ITGA5: variants seen among roughly 807,000 people sequenced by gnomAD.
ITGA5 encodes integrin subunit alpha 5.
A neutral mutation model predicts 146.3 loss-of-function variants in ITGA5; 55 were observed. That is an observed-to-expected ratio of 0.38 (90% CI 0.30 to 0.47). ITGA5 has a LOEUF of 0.47. ITGA5 is among the 20% of genes least tolerant of loss of function. The pLI is 0.99. For synonymous variants in ITGA5, 500 were observed against 531.8 expected (o/e 0.94, Z 0.82); for missense variants, 1,131 against 1,329.0 (o/e 0.85, Z 2.32).
At chr12:54,396,592 C>T (rs1202352315) in intron 29 of ITGA5, among the ~76,000 whole-genome samples, 1 of 152,176 alleles carries the variant, frequency 6.6e-6, no homozygotes, top group Non-Finnish European at 1.5e-5. Context: ...GTATCTTTTA[C>T]CAGTGCCTTT....
chr12:54,398,452 C>G, intron 28 of ITGA5, 145 bp downstream of exon 28: 1 of 596,726 alleles, frequency 1.7e-6, no homozygotes. Context: ...ACCACTCTGT[C>G]TCTGGCATCT....
intron 13 of ITGA5, 57 bp from the exon 14 acceptor site, chr12:54,404,532 T>TC (rs1404593155): frequency 1.3e-6 from 2 of 1,592,606 alleles, no homozygotes; most frequent in African/African-American, 2.7e-5. Context: ...GATCCTTTCT[T>TC]CCTAACCCCT....
At chr12:54,404,322 G>T (rs189888150) in intron 14 of ITGA5, 76 bp from the exon 15 acceptor site, 1 of 1,559,062 alleles carries the variant, frequency 6.4e-7, no homozygotes, top group Non-Finnish European at 8.8e-7. Flanking sequence ...ATGCCCAAGC[G>T]CCAGAATGTG....
At chr12:54,417,593 C>A (rs369775256) in intron 1 of ITGA5, among the ~76,000 whole-genome samples, 7 of 152,262 alleles carry the variant, frequency 4.6e-5, no homozygotes. Context: ...ATTTGCCTTT[C>A]TCCCCAGTTG....
rs1020177548 is a variant in ITGA5, at chr12:54,396,048, G to T, written c.*245C>A. ...AGGGAGGCTGGGGCCTCTGTCCCTG[G>T]ATCTGAGTTCCCCCATCCATGAAGA... On this transcript the variant is annotated 3_prime_UTR_variant, in exon 30 of 30. Coordinates refer to ENST00000293379, the MANE Select transcript of ITGA5 (RefSeq NM_002205.5). 7 of 435,500 alleles carry T rather than the reference G, an allele frequency of 1.6e-5. No homozygotes were observed. Among genetic ancestry groups the T allele is most frequent in the Admixed American group, 3.9e-5 (1 of 25,660 alleles). 27.0% of individuals were successfully genotyped at this position (435,500 alleles called of 1,614,324 possible).
At position 54,399,628 on chromosome 12, in the gene ITGA5, A is replaced by C. The variant is rs758815022; in HGVS notation, c.2841+17T>G. The C allele has an allele frequency of 5.0e-6, 8 of 1,586,454 alleles. No homozygotes were observed. Among genetic ancestry groups the C allele is most frequent in the Non-Finnish European group, 6.9e-6 (8 of 1,154,706 alleles). ...GCCCAAAGGTCAGGGGTCAGGGCTG[A>C]GGTAAGGCTCCCTCACCTGCAAGAA... is the stretch of plus-strand genomic sequence containing the variant. On this transcript the variant is annotated intron_variant, in intron 27 of 29. Coordinates refer to ENST00000293379, the MANE Select transcript of ITGA5 (RefSeq NM_002205.5).
Position 54,405,365 on chromosome 12 carries a change from G to GTCA in ITGA5, c.1023_1025dup (p.Asp342dup). The GTCA allele has an allele frequency of 6.2e-7, 1 of 1,606,084 alleles. No individual in the cohort carries two copies. Among genetic ancestry groups the GTCA allele is most frequent in the East Asian group, 2.2e-5 (1 of 44,730 alleles). On this transcript the variant is annotated inframe_insertion, in exon 12 of 30. Transcript: ENST00000293379. ...TGAGCAGGGGTGCCCCCACCAGCAAGTCATCCAGCCTGAGGGGAAGGGCAA... is the reference window on the plus strand; with the variant it reads ...TGAGCAGGGGTGCCCCCACCAGCAAGTCATCATCCAGCCTGAGGGGAAGGGCAA...
In ITGA5 at chr12:54,401,710, A is replaced by G; in HGVS notation, c.2307-45T>C. On this transcript the variant is annotated intron_variant, in intron 22 of 29. Coordinates refer to ENST00000293379, the MANE Select transcript of ITGA5 (RefSeq NM_002205.5). This position sits in a 1 kb window ranked among gnomAD's most constrained non-coding sequence, Gnocchi z 5.0. ...CTGAGGTGCTGGAGTGCAGCCAGTG[A>G]GAATGGCGCCCAGCCCTCCCTTCCG... The G allele has an allele frequency of 6.2e-7, 1 of 1,611,738 alleles. No individual in the cohort carries two copies. Among genetic ancestry groups the G allele is most frequent in the Non-Finnish European group, 8.5e-7 (1 of 1,177,924 alleles).
At chr12:54,412,712 C>T (rs1955962480) in intron 1 of ITGA5, among the ~76,000 whole-genome samples, 1 of 152,212 alleles carries the variant, frequency 6.6e-6, no homozygotes, top group Non-Finnish European at 1.5e-5. Context: ...TCTGTTCCCC[C>T]TGATATGAGG....
rs375130333 is a variant in ITGA5 at position 54,411,895 on chromosome 12, G to C, written c.288C>G (p.Val96=). Residue 96 remains valine (V), a synonymous_variant, in exon 2 of 30, where the codon GTC becomes GTG. Coordinates refer to ENST00000293379, the MANE Select transcript of ITGA5 (RefSeq NM_002205.5). The part of the protein sequence containing the change: ...SQPGVLQGGA[V]YLCPWGASPT... Reference sequence around the variant, plus strand: ...GGCTGGCACCCCAAGGACAGAGGTAGACAGCACCACCCTGCAGCACTCCTG... The same window carrying C: ...GGCTGGCACCCCAAGGACAGAGGTACACAGCACCACCCTGCAGCACTCCTG... 1.9e-6 allele frequency: 3 copies of C among 1,604,868 alleles called. No individual in the cohort carries two copies. The highest frequency in any genetic ancestry group is 1.7e-6 in the Non-Finnish European group (2 of 1,175,494).
intron 2 of ITGA5, among the ~76,000 whole-genome samples, 156 bp downstream of exon 2, chr12:54,411,678 G>A (rs1955944736): frequency 6.6e-6 from 1 of 152,174 alleles, no homozygotes; most frequent in East Asian, 1.9e-4. Flanking sequence ...GTGCCATGGG[G>A]ATCCACTGTA....
Position 54,409,829 on chromosome 12 carries a change from C to T in ITGA5, c.350-232G>A. On this transcript the variant is annotated intron_variant, in intron 2 of 29. Coordinates refer to ENST00000293379, the MANE Select transcript of ITGA5 (RefSeq NM_002205.5). The surrounding 1 kb of genome is among the most constrained non-coding windows in gnomAD (Gnocchi z 4.7). The stretch of plus-strand genomic sequence containing the variant: ...ACACATACACACACACACATACATA[C>T]ACACGCACGCACACGCACACAGAAC... The T allele has an allele frequency of 4.7e-6, 2 of 429,132 alleles. No homozygotes were observed. Among genetic ancestry groups the T allele is most frequent in the Admixed American group, 4.0e-5 (1 of 24,802 alleles). 26.6% of individuals were successfully genotyped at this position (429,132 alleles called of 1,614,324 possible). A position where few individuals can be genotyped will look rare whatever the true frequency, so the allele number is the denominator to read the frequency against.
rs549499997 is a variant in ITGA5, at chr12:54,417,279, G to T, written c.218+1702C>A. Among the ~76,000 whole-genome samples, 9 of 151,978 alleles carry T rather than the reference G, an allele frequency of 5.9e-5. No individual in the cohort carries two copies. The East Asian group carries it at 1.4e-3, about 23-fold the overall frequency. On this transcript the variant is annotated intron_variant, in intron 1 of 29. Transcript: ENST00000293379. ...TGTTTTAAAGGGAAATTTAGGGGAG[G>T]GGGGAGTAAAGAGAAGGTTAAATGC...
rs766411094 is a variant in ITGA5, at chr12:54,403,226, T to C, written c.1875A>G (p.Pro625=). Residue 625 remains proline, a synonymous_variant, in exon 18 of 30, where the codon CCA becomes CCG. Coordinates refer to ENST00000293379, the MANE Select transcript of ITGA5 (RefSeq NM_002205.5). This position sits in a 1 kb window ranked among gnomAD's most constrained non-coding sequence, Gnocchi z 4.9. ...QAPVDSHGLR[P]ALHYQSKSRI... is the part of the protein sequence containing the mutation. Reference sequence around the variant, plus strand: ...GGCTCTTGCTCTGATAATGTAGGGCTGGCCTGAGGCCGTGGCTGTCCACTG... The same window carrying C: ...GGCTCTTGCTCTGATAATGTAGGGCCGGCCTGAGGCCGTGGCTGTCCACTG... 6 of 1,568,626 alleles carry C rather than the reference T, an allele frequency of 3.8e-6. No individual in the cohort carries two copies. The East Asian group carries it at 1.4e-4, about 35-fold the overall frequency.
chr12:54,405,659 C>T lies in ITGA5; in HGVS notation c.1016+5G>A. ...ATCACAGTGCGCTCATTTCCCACCA[C>T]TCACCCGTCCCCATTGACGTCTGTG... On this transcript the variant is annotated splice_donor_5th_base_variant and intron_variant, in intron 11 of 29. Coordinates refer to ENST00000293379, the MANE Select transcript of ITGA5 (RefSeq NM_002205.5). 6.2e-7 allele frequency: 1 copy of T among 1,612,514 alleles called. No individual in the cohort carries two copies.
At chr12:54,404,383 T>C in intron 14 of ITGA5, 47 bp downstream of exon 14, 2 of 1,603,492 alleles carry the variant, frequency 1.2e-6, no homozygotes, top group Non-Finnish European at 1.7e-6. Flanking sequence ...AAATTTCCAG[T>C]TCCAGTCCAC....
In ITGA5 at chr12:54,401,267, C is replaced by A; in HGVS notation, c.2493+106G>T. ...TGCCTTTGCATATCACTTACTCCTC[C>A]CTCCTCTCTTTCTCTCAGTCCCTCA... On this transcript the variant is annotated intron_variant, in intron 24 of 29. Coordinates refer to ENST00000293379, the MANE Select transcript of ITGA5 (RefSeq NM_002205.5). The surrounding 1 kb of genome is among the most constrained non-coding windows in gnomAD (Gnocchi z 5.0). 1.1e-6 allele frequency: 1 copy of A among 906,660 alleles called. No individual in the cohort carries two copies. Among genetic ancestry groups the A allele is most frequent in the Non-Finnish European group, 1.8e-6 (1 of 548,848 alleles). The allele number at this position is 906,660 out of a possible 1,614,324, so 56.2% of individuals were successfully genotyped here.
intron 1 of ITGA5, among the ~76,000 whole-genome samples, chr12:54,417,875 G>A (rs901332728): frequency 5.3e-5 from 8 of 152,154 alleles, no homozygotes; most frequent in African/African-American, 1.7e-4. Context: ...CAATCTCCCC[G>A]CCATCCCACA....
chr12:54,418,801 A>T (rs1056868560), intron 1 of ITGA5, among the ~76,000 whole-genome samples, 180 bp downstream of exon 1: 7 of 151,476 alleles, frequency 4.6e-5, no homozygotes, highest in Admixed American at 2.6e-4. Flanking sequence ...CTCACCCGCC[A>T]CGGTGCCCTC....
Sources: gnomAD v4.1 joint callset for allele counts (sites outside exome capture counted in the v4.1 genomes callset) on GRCh38, gnomAD v4.1.1 for gene constraint, Gnocchi (gnomAD v3.1) non-coding constraint, MANE v1.5 for transcripts, NCBI Gene and HGNC (gene_info 2026-07-23, HGNC 2026-07-21) for gene names.